Variants in KCND3 observed in about 807,000 individuals in gnomAD.
KCND3 encodes the protein potassium voltage-gated channel subfamily D member 3, also known as A-type voltage-gated potassium channel KCND3.
In KCND3, 9 loss-of-function variants were observed where a neutral mutation model predicts 51.1. The ratio of observed to expected loss-of-function variants is 0.18; its 90% confidence interval spans 0.11 to 0.31. The LOEUF (loss-of-function observed/expected upper bound fraction) is 0.31, where lower values mean the gene tolerates loss of function less well. Ranked by LOEUF, KCND3 falls within the 10% of genes least tolerant of loss-of-function variation. The probability of loss-of-function intolerance (pLI) is 1.00; values close to 1 mark genes in which losing one functional copy is unlikely to be tolerated. For synonymous variants in KCND3, 349 were observed against 368.0 expected, an observed-to-expected ratio of 0.95 and a Z score of 0.59; for missense variants, 526 against 903.8, an observed-to-expected ratio of 0.58 and a Z score of 5.36.
At chr1:111,850,640 T>G (rs1219970082) in intron 2 of KCND3, among the ~76,000 whole-genome samples, 3 of 152,188 alleles carry the variant, frequency 2.0e-5, no homozygotes, top group African/African-American at 7.2e-5. Flanking sequence ...CGCAGGGGAT[T>G]CTGACATGGC....
chr1:111,854,253 G>T (rs951136078), intron 2 of KCND3, among the ~76,000 whole-genome samples: 1 of 152,156 alleles, frequency 6.6e-6, no homozygotes, highest in Non-Finnish European at 1.5e-5. Context: ...AATATAGTAT[G>T]TCCAGTTAAA....
chr1:111,893,066 C>T (rs1348430364), intron 2 of KCND3, among the ~76,000 whole-genome samples: 3 of 152,224 alleles, frequency 2.0e-5, no homozygotes, highest in Non-Finnish European at 4.4e-5. Context: ...TGAGCAGATG[C>T]TCTGGGCTGA....
At chr1:111,942,448 C>T (rs186618874) in intron 2 of KCND3, among the ~76,000 whole-genome samples, 78 of 152,304 alleles carry the variant, frequency 5.1e-4, no homozygotes, top group Non-Finnish European at 9.6e-4. Flanking sequence ...GTGGGATGCC[C>T]GAGTCCATGC....
intron 2 of KCND3, among the ~76,000 whole-genome samples, chr1:111,800,242 C>T (rs1363372107): frequency 9.5e-6 from 1 of 104,940 alleles, no homozygotes; most frequent in Non-Finnish European, 1.9e-5. Context: ...GTGACCTTAC[C>T]CCCAACCCTG....
At chr1:111,804,265 C>A (rs1336423735) in intron 2 of KCND3, among the ~76,000 whole-genome samples, 1 of 152,218 alleles carries the variant, frequency 6.6e-6, no homozygotes, top group Non-Finnish European at 1.5e-5. Context: ...AGCATGCTCT[C>A]CTTGTTGGTC....
intron 2 of KCND3, among the ~76,000 whole-genome samples, chr1:111,840,185 A>G (rs1035756939): frequency 1.2e-4 from 19 of 152,100 alleles, no homozygotes; most frequent in Admixed American, 9.8e-4. Context: ...TTATGACCTA[A>G]TCACTTCCTA....
chr1:111,955,741 T>A (rs142500057), intron 2 of KCND3, among the ~76,000 whole-genome samples: 161 of 152,354 alleles, frequency 1.1e-3, no homozygotes, highest in African/African-American at 3.8e-3. Context: ...ATGAATTCTT[T>A]TAGTTTTTGA....
At chr1:111,906,966 C>T (rs532978823) in intron 2 of KCND3, among the ~76,000 whole-genome samples, 22 of 152,348 alleles carry the variant, frequency 1.4e-4, no homozygotes, top group African/African-American at 5.0e-4. Context: ...CAGATTAAAA[C>T]ACCCACTCCC....
At chr1:111,888,748 A>G (rs1263286226) in intron 2 of KCND3, among the ~76,000 whole-genome samples, 3 of 151,972 alleles carry the variant, frequency 2.0e-5, no homozygotes, top group Non-Finnish European at 4.4e-5. Context: ...GTACAGAGAA[A>G]CCCAAAGACA....
intron 2 of KCND3, among the ~76,000 whole-genome samples, chr1:111,959,209 T>C (rs913870327): frequency 1.3e-5 from 2 of 152,176 alleles, no homozygotes; most frequent in African/African-American, 2.4e-5. Context: ...GCCTGGCCCA[T>C]GCTTCCAGAA....
chr1:111,781,301 A>G (rs1428894522), intron 3 of KCND3, among the ~76,000 whole-genome samples: 1 of 152,156 alleles, frequency 6.6e-6, no homozygotes, highest in Admixed American at 6.5e-5. Context: ...ACTCCTCTGC[A>G]ATTTTTTTCT....
chr1:111,780,691 G>C lies in KCND3; in HGVS notation c.1370C>G (p.Thr457Arg). The change falls in exon 4 of 8, where the codon ACG (threonine) becomes AGG (arginine). Residue 457 changes from threonine (T) to arginine (R), a missense_variant and splice_region_variant. This residue lies in a region of KCND3 where 266 missense variants were observed against 305.5 expected (regional missense o/e 0.87). Transcript: ENST00000302127. This position sits in a 1 kb window ranked among gnomAD's most constrained non-coding sequence, Gnocchi z 4.2. ...NGLLNEALEL[T>R]GTPEEEHMGK... ...AGCCCAGGTCCTCTAGGCACCTACC[G>C]TCAGCTCCAGCGCCTCGTTGAGGAG... 1 of 1,607,764 alleles carries C rather than the reference G, an allele frequency of 6.2e-7. No homozygotes were observed.
At chr1:111,989,119 A>C (rs113466819) in intron 1 of KCND3, 1 of 152,344 alleles carries the variant, frequency 6.6e-6, no homozygotes, top group Non-Finnish European at 1.5e-5. Flanking sequence ...AAGCGCCCCA[A>C]ACCGCTCCGG....
intron 2 of KCND3, among the ~76,000 whole-genome samples, chr1:111,856,488 G>A (rs973555418): frequency 6.6e-6 from 1 of 152,182 alleles, no homozygotes; most frequent in Non-Finnish European, 1.5e-5. Context: ...ATGGCAGCTG[G>A]TGGTCGCCTG....
chr1:111,892,704 C>A (rs372078075), intron 2 of KCND3, among the ~76,000 whole-genome samples: 4 of 152,186 alleles, frequency 2.6e-5, no homozygotes, highest in African/African-American at 9.7e-5. Flanking sequence ...TGGAGTGGGG[C>A]TCCCCTAGAC....
At chr1:111,777,615 A>G (rs929027166) in intron 6 of KCND3, among the ~76,000 whole-genome samples, 1 of 152,254 alleles carries the variant, frequency 6.6e-6, no homozygotes, top group Non-Finnish European at 1.5e-5. Context: ...CAAAGACTTT[A>G]CTTTCCAGGC....
chr1:111,814,140 C>G (rs1388484263), intron 2 of KCND3, among the ~76,000 whole-genome samples: 1 of 152,256 alleles, frequency 6.6e-6, no homozygotes, highest in African/African-American at 2.4e-5. Flanking sequence ...AGATCTGTGA[C>G]TGTCTGACAT....
At chr1:111,807,742 A>G (rs1457299421) in intron 2 of KCND3, among the ~76,000 whole-genome samples, 1 of 152,218 alleles carries the variant, frequency 6.6e-6, no homozygotes, top group Admixed American at 6.5e-5. Context: ...TAAACCACAT[A>G]GTCTGGAGTG....
chr1:111,966,629 G>A (rs1423671264), intron 2 of KCND3, among the ~76,000 whole-genome samples: 1 of 152,182 alleles, frequency 6.6e-6, no homozygotes, highest in African/African-American at 2.4e-5. Flanking sequence ...CTAAGTCTGT[G>A]CCAGGACAGA....
Sources: allele counts gnomAD v4.1 joint callset (sites outside exome capture counted in the v4.1 genomes callset), GRCh38; gene constraint gnomAD v4.1.1; regional missense constraint gnomAD v4.1.1; non-coding constraint Gnocchi (gnomAD v3.1); transcripts MANE v1.5; gene names NCBI Gene and HGNC (gene_info 2026-07-23, HGNC 2026-07-21).